Variants in IDUA observed in about 807,000 individuals in gnomAD.
IDUA encodes the protein alpha-L-iduronidase.
Under a neutral mutation model 68.9 loss-of-function variants are expected in IDUA, and 65 were observed. That is an observed-to-expected ratio of 0.94 (90% CI 0.77 to 1.16). IDUA has a LOEUF of 1.16. Among genes scored for constraint, IDUA ranks in the 50% most tolerant of loss-of-function variants. IDUA has a pLI of 0.00. For synonymous variants in IDUA, 529 were observed against 433.6 expected, an observed-to-expected ratio of 1.22 and a Z score of -2.73; for missense variants, 1,046 against 938.0, an observed-to-expected ratio of 1.12 and a Z score of -1.50.
At chr4:990,249 G>T (rs370473210) in intron 2 of IDUA, 1 of 1,587,446 alleles carries the variant, frequency 6.3e-7, no homozygotes, top group Admixed American at 1.8e-5. Flanking sequence ...CGCCCAGCAG[G>T]TGTTTGAGCT....
intron 2 of IDUA, among the ~76,000 whole-genome samples, chr4:992,421 C>T (rs1210301986): frequency 2.6e-5 from 4 of 152,208 alleles, no homozygotes; most frequent in Non-Finnish European, 5.9e-5. Context: ...GTACTGGGAC[C>T]CCAAGTCTGC....
chr4:989,536 G>A lies in IDUA; in HGVS notation c.299+1587G>A, dbSNP rs923099050. ...GCCTGCCCAGACCAGCGCGTCAGCC[G>A]GGCTCATCCGCCACAGCCGCGGGAG... is the stretch of plus-strand genomic sequence containing the variant. On this transcript the variant is annotated intron_variant, in intron 2 of 13. Coordinates refer to ENST00000514224, the MANE Select transcript of IDUA (RefSeq NM_000203.5). The A allele has an allele frequency of 3.5e-5, 54 of 1,562,218 alleles. No homozygotes were observed. The highest frequency in any genetic ancestry group is 4.2e-5 in the Non-Finnish European group (48 of 1,154,526).
At chr4:990,004 T>G in intron 2 of IDUA, 1 of 1,571,874 alleles carries the variant, frequency 6.4e-7, no homozygotes, top group Non-Finnish European at 8.6e-7. Context: ...AAAGCGCTTG[T>G]GGAGCTGCCC....
Position 1,003,626 on chromosome 4 carries a change from G to A in IDUA, c.1727+1G>A, listed in dbSNP as rs1577544451. ...GGTCGGATGAACACGTGGGCTCCAA[G>A]TGCGTGAGTGGGGCCGCCCCTCCCT... On this transcript the variant is annotated splice_donor_variant, in intron 12 of 13. Coordinates refer to ENST00000514224, the MANE Select transcript of IDUA (RefSeq NM_000203.5). LOFTEE classifies it high-confidence loss of function. 6.2e-7 allele frequency: 1 copy of A among 1,612,350 alleles called. No homozygotes were observed. Among genetic ancestry groups the A allele is most frequent in the Non-Finnish European group, 8.5e-7 (1 of 1,179,784 alleles).
chr4:992,548 C>G lies in IDUA; in HGVS notation c.299+4599C>G, dbSNP rs1714448905. 2.0e-5 allele frequency among the ~76,000 whole-genome samples: 3 copies of G among 152,248 alleles called. No individual in the cohort carries two copies. In the South Asian group the frequency reaches 6.2e-4, roughly 31 times the overall value. On this transcript the variant is annotated intron_variant, in intron 2 of 13. Transcript: ENST00000514224. ...GCCAGCTGGGAGGGGAGGAGGGTGA[C>G]TGGCGTCTGTCTCCCCTGCCCAGAC...
rs1656615837 is a variant in IDUA at position 1,001,871 on chromosome 4, T to A, written c.782T>A (p.Leu261His). ...EAGVRLDYIS[L>H]HRKGARSSIS... ...GGCGTGCGGCTGGACTACATCTCCC[T>A]CCACAGGAAGGTGCGCCCTGCCCCT... The change falls in exon 6 of 14, where the codon CTC (leucine) becomes CAC (histidine). Residue 261 changes from leucine (L) to histidine (H), a missense_variant. By Grantham distance (99) the Leu-to-His change is moderately conservative (BLOSUM62 -3). Coordinates refer to ENST00000514224, the MANE Select transcript of IDUA (RefSeq NM_000203.5). The A allele has an allele frequency of 6.3e-7, 1 of 1,587,904 alleles. No homozygotes were observed. Among genetic ancestry groups the A allele is most frequent in the African/African-American group, 1.3e-5 (1 of 74,576 alleles).
At chr4:991,530 G>A in intron 2 of IDUA, 2 of 1,606,666 alleles carry the variant, frequency 1.2e-6, no homozygotes. Context: ...GACGCAGCCA[G>A]CGCGTGGCGG....
In IDUA at chr4:1,002,003, A is replaced by C. The variant is rs536381533; in HGVS notation, c.814A>C (p.Ile272Leu). ...GCAGGGTGCGCGCAGCTCCATCTCCATCCTGGAGCAGGAGAAGGTCGTCGC... is the reference window on the plus strand; with the variant it reads ...GCAGGGTGCGCGCAGCTCCATCTCCCTCCTGGAGCAGGAGAAGGTCGTCGC... ...HRKGARSSIS[I>L]LEQEKVVAQQ... Residue 272 changes from isoleucine (I) to leucine (L), a missense_variant, in exon 7 of 14, where the codon ATC becomes CTC. By Grantham distance (5) the Ile-to-Leu change is conservative (BLOSUM62 2). Coordinates refer to ENST00000514224, the MANE Select transcript of IDUA (RefSeq NM_000203.5). 88 of 1,592,154 alleles carry C rather than the reference A, an allele frequency of 5.5e-5. No homozygotes were observed. Among genetic ancestry groups the C allele is most frequent in the Non-Finnish European group, 7.3e-5 (85 of 1,171,224 alleles).
At chr4:988,976 C>T in intron 2 of IDUA, 1 of 1,595,912 alleles carries the variant, frequency 6.3e-7, no homozygotes, top group South Asian at 1.1e-5. Flanking sequence ...CTCAGAATGT[C>T]TCTCACAGGC....
At position 1,000,904 on chromosome 4, in the gene IDUA, C is replaced by T. The variant is rs138195998; in HGVS notation, c.408C>T (p.Ala136=). 9.6e-4 allele frequency: 1,545 copies of T among 1,613,378 alleles called. No homozygotes were observed. Among genetic ancestry groups the T allele is most frequent in the Non-Finnish European group, 1.2e-3 (1,459 of 1,179,926 alleles). The change falls in exon 4 of 14, where the codon GCC becomes GCT. Residue 136 remains alanine, a synonymous_variant. Transcript: ENST00000514224. ...LLPGFELMGS[A]SGHFTDFEDK... Reference sequence around the variant, plus strand: ...CAGGGTTTGAGCTGATGGGCAGCGCCTCGGGCCACTTCACTGACTTTGAGG... The same window carrying T: ...CAGGGTTTGAGCTGATGGGCAGCGCTTCGGGCCACTTCACTGACTTTGAGG...
intron 2 of IDUA, among the ~76,000 whole-genome samples, chr4:995,730 T>C (rs1276254700): frequency 6.6e-6 from 1 of 152,178 alleles, no homozygotes; most frequent in East Asian, 1.9e-4. Flanking sequence ...GAGGAGACCC[T>C]GGACACTCAC....
chr4:1,003,634 G>T lies in IDUA; in HGVS notation c.1727+9G>T, dbSNP rs771420258. 4.2e-5 allele frequency: 68 copies of T among 1,612,092 alleles called. No individual in the cohort carries two copies. Among genetic ancestry groups the T allele is most frequent in the Non-Finnish European group, 5.1e-5 (60 of 1,179,702 alleles). ...GAACACGTGGGCTCCAAGTGCGTGA[G>T]TGGGGCCGCCCCTCCCTCTGCCTGG... On this transcript the variant is annotated intron_variant, in intron 12 of 13. Coordinates refer to ENST00000514224, the MANE Select transcript of IDUA (RefSeq NM_000203.5).
Position 987,250 on chromosome 4 carries a change from C to T in IDUA, c.158+8C>T, listed in dbSNP as rs1210900840. ...GAGGAGCACAGGCTTCTGGTGAGCG[C>T]TCCGCGGCCTCCGGGACCCCCTGGC... On this transcript the variant is annotated splice_region_variant and intron_variant, in intron 1 of 13. Coordinates refer to ENST00000514224, the MANE Select transcript of IDUA (RefSeq NM_000203.5). The T allele has an allele frequency of 2.8e-5, 42 of 1,513,606 alleles. No homozygotes were observed. The East Asian group carries it at 1.1e-3, about 39-fold the overall frequency. 93.8% of individuals were successfully genotyped at this position (1,513,606 alleles called of 1,614,324 possible). A position where few individuals can be genotyped will look rare whatever the true frequency, so the allele number is the denominator to read the frequency against.
In IDUA at chr4:1,002,341, G is replaced by A. The variant is rs368454909; in HGVS notation, c.1045G>A (p.Asp349Asn). The change falls in exon 8 of 14, where the codon GAC becomes AAC. Residue 349 changes from aspartate to asparagine, a missense_variant. Coordinates refer to ENST00000514224, the MANE Select transcript of IDUA (RefSeq NM_000203.5). ...CTTCCCCTACGCGCTCCTGAGCAAC[G>A]ACAATGCCTTCCTGAGCTACCACCC... The part of the protein sequence containing the change: ...SAFPYALLSN[D>N]NAFLSYHPHP... 1.2e-6 allele frequency: 2 copies of A among 1,613,064 alleles called. No individual in the cohort carries two copies. Among genetic ancestry groups the A allele is most frequent in the African/African-American group, 1.3e-5 (1 of 74,926 alleles).
chr4:1,001,434 C>T (rs775469538), intron 4 of IDUA, 34 bp from the exon 5 acceptor site: 1 of 1,579,098 alleles, frequency 6.3e-7, no homozygotes, highest in Non-Finnish European at 8.7e-7. Context: ...GCGAGATTCA[C>T]CTGTGCTGGG....
intron 11 of IDUA, 38 bp downstream of exon 11, chr4:1,003,508 C>T (rs775255008): frequency 1.2e-6 from 2 of 1,602,984 alleles, no homozygotes; most frequent in South Asian, 1.1e-5. Context: ...GCGGCCCGGA[C>T]TCCCCTTCCC....
At chr4:991,495 G>A in intron 2 of IDUA, 1 of 1,610,354 alleles carries the variant, frequency 6.2e-7, no homozygotes, top group Non-Finnish European at 8.5e-7. Context: ...GACGTCGCCT[G>A]CCAGGTACTC....
chr4:995,836 C>G (rs890729047), intron 2 of IDUA, among the ~76,000 whole-genome samples: 3 of 152,200 alleles, frequency 2.0e-5, no homozygotes, highest in African/African-American at 7.2e-5. Context: ...CTGCAGTGCC[C>G]CCATTTGGAG....
In IDUA at chr4:1,003,350, G is replaced by GGTGGCCGCGGGGCGC. The variant is rs1715235369; in HGVS notation, c.1540_1541insGGCGCGTGGCCGCGG (p.Ala513_Ala514insGlyArgValAlaAla). 1.2e-5 allele frequency: 18 copies of GGTGGCCGCGGGGCGC among 1,456,934 alleles called. No homozygotes were observed. Among genetic ancestry groups the GGTGGCCGCGGGGCGC allele is most frequent in the Non-Finnish European group, 1.5e-5 (17 of 1,114,230 alleles). 90.3% of individuals were successfully genotyped at this position (1,456,934 alleles called of 1,614,324 possible). ...GGACCGGCCACTGCGCCCAGGACCC[G>GGTGGCCGCGGGGCGC]GTGGCCGCGGCGCCCCGCCCCTTAC... On this transcript the variant is annotated inframe_insertion, in exon 11 of 14. Transcript: ENST00000514224.
Sources: allele counts gnomAD v4.1 joint callset (sites outside exome capture counted in the v4.1 genomes callset), GRCh38; gene constraint gnomAD v4.1.1; transcripts MANE v1.5; gene names NCBI Gene and HGNC (gene_info 2026-07-23, HGNC 2026-07-21).